Variants in TBX3 observed in about 807,000 individuals in gnomAD.
TBX3 encodes the protein T-box transcription factor TBX3.
TBX3 carries 11 observed loss-of-function variants against 47.8 expected under a neutral mutation model. That is an observed-to-expected ratio of 0.23 (90% CI 0.14 to 0.38). The LOEUF (loss-of-function observed/expected upper bound fraction) is 0.38. TBX3 is among the 10% of genes least tolerant of loss of function. The pLI is 1.00. For missense variants in TBX3, 927 were observed against 1,022.8 expected, an observed-to-expected ratio of 0.91 and a Z score of 1.28; for synonymous variants, 500 against 449.3, an observed-to-expected ratio of 1.11 and a Z score of -1.43.
rs1450269147 is a variant in TBX3, at chr12:114,674,385, G to A, written c.1490C>T (p.Pro497Leu). 2 of 1,552,670 alleles carry A rather than the reference G, an allele frequency of 1.3e-6. No individual in the cohort carries two copies. The highest frequency in any genetic ancestry group is 1.7e-6 in the Non-Finnish European group (2 of 1,148,488). The change falls in exon 6 of 7, where the codon CCG (proline) becomes CTG (leucine). Residue 497 changes from proline to leucine, a missense_variant. Transcript: ENST00000349155. ...LAGQQFFNGH[P>L]LFLHPSQFAM... Reference sequence around the variant, plus strand: ...AAACTGGCTGGGGTGCAGGAAGAGCGGGTGCCCGTTGAAGAACTGTTGGCC... The same window carrying A: ...AAACTGGCTGGGGTGCAGGAAGAGCAGGTGCCCGTTGAAGAACTGTTGGCC...
chr12:114,684,130 G>A lies in TBX3; in HGVS notation c.-930C>T, dbSNP rs1869096009. 4.3e-6 allele frequency: 1 copy of A among 232,264 alleles called. No homozygotes were observed. Among genetic ancestry groups the A allele is most frequent in the Non-Finnish European group, 8.5e-6 (1 of 117,432 alleles). 14.4% of individuals were successfully genotyped at this position (232,264 alleles called of 1,614,324 possible). On this transcript the variant is annotated 5_prime_UTR_variant, in exon 1 of 7. Transcript: ENST00000349155. ...AGAGGGAGGGAGCGAGAGAAAGCGA[G>A]AGCTCCTCGCCACCCTCCGCCGCCT...
intron 5 of TBX3, 38 bp from the exon 6 acceptor site, chr12:114,674,873 G>A (rs1258137233): frequency 2.6e-6 from 4 of 1,543,378 alleles, no homozygotes; most frequent in African/African-American, 2.7e-5. Context: ...GCAGAAGGGC[G>A]TTATCTCCAG....
chr12:114,670,406 CTG>C lies in TBX3; in HGVS notation c.*1433_*1434del. The C allele has an allele frequency of 4.5e-6, 1 of 220,096 alleles. No homozygotes were observed. Among genetic ancestry groups the C allele is most frequent in the Non-Finnish European group, 9.1e-6 (1 of 109,830 alleles). 13.6% of individuals were successfully genotyped at this position (220,096 alleles called of 1,614,324 possible). ...CATCTCTCAGCACCTGACTTTTGAA[CTG>C]TGAATATATCTCTATAGGCAGGCAC... On this transcript the variant is annotated 3_prime_UTR_variant, in exon 7 of 7. Transcript: ENST00000349155.
Position 114,674,315 on chromosome 12 carries a change from A to T in TBX3, c.1560T>A (p.Gly520=), listed in dbSNP as rs367629328. 13 of 1,575,084 alleles carry T rather than the reference A, an allele frequency of 8.3e-6. No homozygotes were observed. The African/African-American group carries it at 1.8e-4, about 21-fold the overall frequency. ...CCCCAGAAACCGTGGCCAGGAGGGG[A>T]CCCATGCCAGCGGCCGCCATGCTGG... ...AFSSMAAAGM[G]PLLATVSGAS... Residue 520 remains glycine (G), a synonymous_variant, in exon 6 of 7, where the codon GGT becomes GGA. Transcript: ENST00000349155.
rs889077010 is a variant in TBX3, at chr12:114,683,957, T to G, written c.-757A>C. 1 of 231,384 alleles carries G rather than the reference T, an allele frequency of 4.3e-6. No homozygotes were observed. The highest frequency in any genetic ancestry group is 2.2e-5 in the African/African-American group (1 of 45,236). 14.3% of individuals were successfully genotyped at this position (231,384 alleles called of 1,614,324 possible). A position where few individuals can be genotyped will look rare whatever the true frequency, so the allele number is the denominator to read the frequency against. On this transcript the variant is annotated 5_prime_UTR_variant, in exon 1 of 7. Coordinates refer to ENST00000349155, the MANE Select transcript of TBX3 (RefSeq NM_005996.4). The surrounding 1 kb of genome is among the most constrained non-coding windows in gnomAD (Gnocchi z 7.7). The stretch of plus-strand genomic sequence containing the variant: ...GCTGGGCTCTTCTCCCGTGCCTCTC[T>G]CTCTTCCTTGTCCTAAAACGTGAGC...
intron 5 of TBX3, among the ~76,000 whole-genome samples, chr12:114,675,650 G>A (rs199628512): frequency 0.022 from 3,051 of 140,420 alleles, 289 homozygotes; most frequent in Admixed American, 0.18. Context: ...GTGTGTGTGT[G>A]TGTGTGTGTG....
intron 3 of TBX3, among the ~76,000 whole-genome samples, chr12:114,678,271 T>G (rs1592849930): frequency 6.6e-6 from 1 of 152,334 alleles, no homozygotes; most frequent in South Asian, 2.1e-4. Flanking sequence ...GCCCATGGCC[T>G]TTTTGTCTGA....
Position 114,675,633 on chromosome 12 carries a change from A to AGTGTGTGT in TBX3, c.1039+672_1039+679dup, listed in dbSNP as rs3068612. Among the ~76,000 whole-genome samples, 281 of 150,086 alleles carry AGTGTGTGT rather than the reference A, an allele frequency of 1.9e-3. 1 individual carries two copies. Among genetic ancestry groups the AGTGTGTGT allele is most frequent in the Non-Finnish European group, 3.0e-3 (201 of 67,588 alleles). On this transcript the variant is annotated intron_variant, in intron 5 of 6. Transcript: ENST00000349155. ...AAAAAACAGGTTTCTTCCCGTTGAG[A>AGTGTGTGT]GTGTGTGTGTGTGTGTGTGTGTGTG...
chr12:114,676,287 G>C, intron 5 of TBX3, 26 bp downstream of exon 5: 1 of 1,612,846 alleles, frequency 6.2e-7, no homozygotes. Flanking sequence ...CTGGAGTCCA[G>C]TGATCACAAA....
intron 3 of TBX3, 150 bp from the exon 4 acceptor site, chr12:114,677,806 G>A: frequency 1.4e-6 from 1 of 729,384 alleles, no homozygotes; most frequent in South Asian, 1.7e-5. Context: ...TAAGGAAACT[G>A]TGGCAGGGCT....
At chr12:114,673,065 T>A (rs1199756387) in intron 6 of TBX3, among the ~76,000 whole-genome samples, 1 of 152,270 alleles carries the variant, frequency 6.6e-6, no homozygotes, top group Non-Finnish European at 1.5e-5. Flanking sequence ...CACCCTGGCC[T>A]GGGCCAGTTC....
intron 1 of TBX3, 113 bp downstream of exon 1, chr12:114,682,699 C>T (rs1868990357): frequency 2.6e-6 from 4 of 1,539,488 alleles, no homozygotes; most frequent in African/African-American, 2.7e-5. Flanking sequence ...TCTAGGGGAA[C>T]TAACTTTTCG....
intron 5 of TBX3, among the ~76,000 whole-genome samples, chr12:114,675,646 G>A (rs1592848810): frequency 4.3e-5 from 1 of 23,194 alleles, no homozygotes; most frequent in Non-Finnish European, 1.1e-4. Context: ...GTGTGTGTGT[G>A]TGTGTGTGTG....
At position 114,671,341 on chromosome 12, in the gene TBX3, T is replaced by C. The variant is rs1320690797; in HGVS notation, c.*500A>G. On this transcript the variant is annotated 3_prime_UTR_variant, in exon 7 of 7. Coordinates refer to ENST00000349155, the MANE Select transcript of TBX3 (RefSeq NM_005996.4). ...CCAAACAAAGCTGCTCAGTAATTTA[T>C]TGAGAACCGATAATGCAAGTCCCTA... 1 of 245,870 alleles carries C rather than the reference T, an allele frequency of 4.1e-6. No individual in the cohort carries two copies. The allele number at this position is 245,870 out of a possible 1,614,324, so 15.2% of individuals were successfully genotyped here. A position where few individuals can be genotyped will look rare whatever the true frequency, so the allele number is the denominator to read the frequency against.
At chr12:114,675,181 C>T (rs521082) in intron 5 of TBX3, among the ~76,000 whole-genome samples, 136,178 of 152,294 alleles carry the variant, frequency 0.89, 61,055 homozygotes, top group East Asian at 0.99. Context: ...TCACATGCAT[C>T]TCCCCATTCG....
intron 2 of TBX3, 146 bp downstream of exon 2, chr12:114,680,733 G>A (rs559395093): frequency 1.6e-5 from 20 of 1,219,118 alleles, no homozygotes; most frequent in South Asian, 2.5e-5. Flanking sequence ...GAAACACCCC[G>A]AATCCTTTTT....
intron 3 of TBX3, 97 bp from the exon 4 acceptor site, chr12:114,677,753 C>A: frequency 8.8e-7 from 1 of 1,139,404 alleles, no homozygotes; most frequent in Non-Finnish European, 1.3e-6. Flanking sequence ...AGAGATGTGA[C>A]TGCCAACAGA....
rs1019582672 is a variant in TBX3 at position 114,674,932 on chromosome 12, C to T, written c.1040-97G>A. ...CCCAAGTTGGAATCCCAGCTCGTGGCTTAGTGGCTGTGTAATCCCGGGGAA... is the reference window on the plus strand; with the variant it reads ...CCCAAGTTGGAATCCCAGCTCGTGGTTTAGTGGCTGTGTAATCCCGGGGAA... On this transcript the variant is annotated intron_variant, in intron 5 of 6. Coordinates refer to ENST00000349155, the MANE Select transcript of TBX3 (RefSeq NM_005996.4). The T allele has an allele frequency of 4.7e-5, 70 of 1,481,268 alleles. No individual in the cohort carries two copies. In the African/African-American group the frequency reaches 8.8e-4, roughly 19 times the overall value. 91.8% of individuals were successfully genotyped at this position (1,481,268 alleles called of 1,614,324 possible). A position where few individuals can be genotyped will look rare whatever the true frequency, so the allele number is the denominator to read the frequency against.
At position 114,683,307 on chromosome 12, in the gene TBX3, G is replaced by A. The variant is rs1304906450; in HGVS notation, c.-107C>T. The A allele has an allele frequency of 6.9e-6, 10 of 1,454,454 alleles. No homozygotes were observed. The highest frequency in any genetic ancestry group is 2.2e-5 in the Admixed American group (1 of 46,172). 90.1% of individuals were successfully genotyped at this position (1,454,454 alleles called of 1,614,324 possible). A position where few individuals can be genotyped will look rare whatever the true frequency, so the allele number is the denominator to read the frequency against. On this transcript the variant is annotated 5_prime_UTR_variant, in exon 1 of 7. Coordinates refer to ENST00000349155, the MANE Select transcript of TBX3 (RefSeq NM_005996.4). This position sits in a 1 kb window ranked among gnomAD's most constrained non-coding sequence, Gnocchi z 7.7. ...CAGCAGCACATAATTCAAAAGGGGG[G>A]AAAAAGCAAAACAAAAAAGAAAGAA...
Sources: allele counts gnomAD v4.1 joint callset (sites outside exome capture counted in the v4.1 genomes callset), GRCh38; gene constraint gnomAD v4.1.1; non-coding constraint Gnocchi (gnomAD v3.1); transcripts MANE v1.5; gene names NCBI Gene and HGNC (gene_info 2026-07-23, HGNC 2026-07-21).